The following TRPV3 variants were observed in gnomAD, a reference collection of about 807,000 sequenced individuals.
The protein encoded by TRPV3 is transient receptor potential cation channel subfamily V member 3.
A neutral mutation model predicts 87.1 loss-of-function variants in TRPV3; 88 were observed. That is an observed-to-expected ratio of 1.01 (90% CI 0.85 to 1.21). TRPV3 has a LOEUF of 1.21. Ranked by LOEUF, TRPV3 falls within the 50% of genes most tolerant of loss-of-function variation. TRPV3 has a pLI of 0.00. For synonymous variants in TRPV3, 438 were observed against 423.3 expected, an observed-to-expected ratio of 1.03 and a Z score of -0.43; for missense variants, 1,054 against 1,030.1, an observed-to-expected ratio of 1.02 and a Z score of -0.32.
At chr17:3,515,433 G>A (rs1488358549) in intron 16 of TRPV3, among the ~76,000 whole-genome samples, 1 of 152,088 alleles carries the variant, frequency 6.6e-6, no homozygotes, top group African/African-American at 2.4e-5. Context: ...GGCCGAGGGG[G>A]GTGGATCACT....
chr17:3,543,259 C>T (rs532356914), intron 5 of TRPV3, among the ~76,000 whole-genome samples: 1 of 152,190 alleles, frequency 6.6e-6, no homozygotes, highest in African/African-American at 2.4e-5. Flanking sequence ...TCCAGCTTCA[C>T]CCCCATCTTC....
chr17:3,523,360 T>C (rs1424338025), intron 13 of TRPV3, among the ~76,000 whole-genome samples: 6 of 152,198 alleles, frequency 3.9e-5, no homozygotes. Context: ...CCAACATTCA[T>C]GTCTGATAGC....
chr17:3,554,637 G>C, intron 2 of TRPV3, 95 bp downstream of exon 2: 2 of 849,966 alleles, frequency 2.4e-6, no homozygotes, highest in Non-Finnish European at 3.7e-6. Context: ...AGAGTCTCAG[G>C]TCTCCCCAAG....
At chr17:3,535,918 C>T (rs2074405333) in intron 6 of TRPV3, among the ~76,000 whole-genome samples, 1 of 152,232 alleles carries the variant, frequency 6.6e-6, no homozygotes, top group Non-Finnish European at 1.5e-5. Flanking sequence ...GCGCCTGCTC[C>T]GGGCTCCGGC....
At position 3,526,878 on chromosome 17, in the gene TRPV3, G is replaced by C; in HGVS notation, c.1553C>G (p.Ser518Trp). Residue 518 changes from serine to tryptophan, a missense_variant, in exon 12 of 18, where the codon TCG becomes TGG. Transcript: ENST00000576742. ...CAAGACAAAGTGGAACCAGGCATCC[G>C]AGAGGATGGACTGCAGATCCGAGGG... ...LRPSDLQSIL[S>W]DAWFHFVFFI... 8.7e-6 allele frequency: 14 copies of C among 1,611,976 alleles called. No individual in the cohort carries two copies. Among genetic ancestry groups the C allele is most frequent in the Non-Finnish European group, 1.2e-5 (14 of 1,179,214 alleles).
chr17:3,518,812 T>C lies in TRPV3; in HGVS notation c.1849A>G (p.Lys617Glu). 6.2e-7 allele frequency: 1 copy of C among 1,614,148 alleles called. No individual in the cohort carries two copies. Among genetic ancestry groups the C allele is most frequent in the Non-Finnish European group, 8.5e-7 (1 of 1,179,998 alleles). The change falls in exon 15 of 18, where the codon AAG (lysine) becomes GAG (glutamate). Residue 617 changes from lysine (K) to glutamate (E), a missense_variant. Lys to Glu is a moderately conservative substitution (Grantham distance 56). Transcript: ENST00000576742. The surrounding 1 kb of genome is among the most constrained non-coding windows in gnomAD (Gnocchi z 4.3). ...AAGCTGCCGTAGGAGCTGCAGTCCTTGTTGTCTTTGGGACACTTCTCGATC... is the reference window on the plus strand; with the variant it reads ...AAGCTGCCGTAGGAGCTGCAGTCCTCGTTGTCTTTGGGACACTTCTCGATC... ...SLIEKCPKDN[K>E]DCSSYGSFSD...
chr17:3,534,086 C>T (rs908485952), intron 7 of TRPV3, among the ~76,000 whole-genome samples: 5 of 152,128 alleles, frequency 3.3e-5, no homozygotes, highest in Non-Finnish European at 5.9e-5. Flanking sequence ...CAGCTGCCTC[C>T]CCTCTCCTCG....
chr17:3,517,919 A>G (rs1260553241), intron 15 of TRPV3, among the ~76,000 whole-genome samples: 1 of 151,370 alleles, frequency 6.6e-6, no homozygotes, highest in Non-Finnish European at 1.5e-5. Flanking sequence ...CCTGGGTTCA[A>G]GCGATCCTCC....
intron 12 of TRPV3, among the ~76,000 whole-genome samples, chr17:3,525,165 ACCC>A (rs1567633797): frequency 3.2e-4 from 48 of 151,808 alleles, no homozygotes; most frequent in Middle Eastern, 3.4e-3. Flanking sequence ...GATTACAGGC[ACCC>A]GCCACCACAC....
Position 3,546,971 on chromosome 17 carries a change from A to AAAAAAAAAAAACAAAC in TRPV3, c.120-1701_120-1700insGTTTGTTTTTTTTTTT, listed in dbSNP as rs1465437779. ...TAACAGAGCGGGACTCCTTCTCAAAAAAAAAAAACTGGGTCTGGGTGACTC... is the reference window on the plus strand; with the variant it reads ...TAACAGAGCGGGACTCCTTCTCAAAAAAAAAAAAAAACAAACAAAAAAAACTGGGTCTGGGTGACTC... On this transcript the variant is annotated intron_variant, in intron 2 of 17. Transcript: ENST00000576742. Among the ~76,000 whole-genome samples the AAAAAAAAAAAACAAAC allele has an allele frequency of 4.5e-3, 685 of 151,760 alleles. 13 individuals carry two copies. Among genetic ancestry groups the AAAAAAAAAAAACAAAC allele is most frequent in the African/African-American group, 0.016 (656 of 41,238 alleles).
Position 3,518,895 on chromosome 17 carries a change from A to G in TRPV3, c.1811-45T>C, listed in dbSNP as rs779606428. On this transcript the variant is annotated intron_variant, in intron 14 of 17. Transcript: ENST00000576742. This position sits in a 1 kb window ranked among gnomAD's most constrained non-coding sequence, Gnocchi z 4.3. ...TGCTCTCCTCAGCTCTCTGCCTGGT[A>G]ATTACTCTACAAGCTTGCGTGTATT... 1 of 1,581,058 alleles carries G rather than the reference A, an allele frequency of 6.3e-7. No individual in the cohort carries two copies. The highest frequency in any genetic ancestry group is 2.2e-5 in the East Asian group (1 of 44,546).
At chr17:3,554,642 C>G in intron 2 of TRPV3, 90 bp downstream of exon 2, 1 of 925,668 alleles carries the variant, frequency 1.1e-6, no homozygotes, top group South Asian at 1.6e-5. Flanking sequence ...CTCAGGTCTC[C>G]CCAAGGCAAG....
At chr17:3,549,821 TGATG>T (rs972523216) in intron 2 of TRPV3, among the ~76,000 whole-genome samples, 4 of 149,350 alleles carry the variant, frequency 2.7e-5, no homozygotes, top group South Asian at 2.1e-4. Context: ...AATAAATGAT[TGATG>T]GATGGATGAA....
intron 7 of TRPV3, among the ~76,000 whole-genome samples, chr17:3,533,876 G>A (rs2074374256): frequency 6.6e-6 from 1 of 152,064 alleles, no homozygotes; most frequent in Non-Finnish European, 1.5e-5. Context: ...ATTACCGATG[G>A]TCTCTCCCTG....
chr17:3,532,686 G>A lies in TRPV3; in HGVS notation c.1036C>T (p.Gln346Ter), dbSNP rs2074359430. The A allele has an allele frequency of 6.2e-7, 1 of 1,614,248 alleles. No individual in the cohort carries two copies. Among genetic ancestry groups the A allele is most frequent in the Non-Finnish European group, 8.5e-7 (1 of 1,180,046 alleles). The change falls in exon 8 of 18, where the codon CAG becomes TAG. Residue 346 changes from glutamine (Q) to a stop codon, truncating the protein, a stop_gained. Transcript: ENST00000576742. LOFTEE classifies it high-confidence loss of function. ...TRNNDGLTPLQLAAKMGKAEI... is the reference protein window; with the variant it reads ...TRNNDGLTPL ...GCCTTGCCCATCTTGGCGGCCAGCTGCAGCGGCGTGAGGCCATCGTTGTTG... is the reference window on the plus strand; with the variant it reads ...GCCTTGCCCATCTTGGCGGCCAGCTACAGCGGCGTGAGGCCATCGTTGTTG...
intron 5 of TRPV3, 44 bp from the exon 6 acceptor site, chr17:3,542,742 G>C: frequency 6.3e-7 from 1 of 1,587,996 alleles, no homozygotes; most frequent in East Asian, 2.3e-5. Context: ...GGCCCCGGCT[G>C]CCCTTGGCCC....
chr17:3,547,464 T>C (rs1388081373), intron 2 of TRPV3, among the ~76,000 whole-genome samples: 1 of 151,974 alleles, frequency 6.6e-6, no homozygotes, highest in African/African-American at 2.4e-5. Flanking sequence ...CTACTAAAAA[T>C]ACAAAAAGTA....
At chr17:3,546,676 C>T (rs1226691420) in intron 2 of TRPV3, 1 of 455,740 alleles carries the variant, frequency 2.2e-6, no homozygotes, top group Non-Finnish European at 4.4e-6. Context: ...GTAGCAAAGT[C>T]CAGATTCAAA....
In TRPV3 at chr17:3,542,527, T is replaced by C. The variant is rs768248969; in HGVS notation, c.638A>G (p.Tyr213Cys). ...FINAEYTEEA[Y>C]EGQTALNIAI... Reference sequence around the variant, plus strand: ...CCCCTCTGCAGGCAGGATACCTTCATAGGCCTCCTCTGTGTACTCGGCGTT... The same window carrying C: ...CCCCTCTGCAGGCAGGATACCTTCACAGGCCTCCTCTGTGTACTCGGCGTT... Residue 213 changes from tyrosine to cysteine, a missense_variant, in exon 6 of 18, where the codon TAT becomes TGT. Tyr to Cys is a radical substitution (Grantham distance 194). Coordinates refer to ENST00000576742, the MANE Select transcript of TRPV3 (RefSeq NM_145068.4). 1 of 1,613,476 alleles carries C rather than the reference T, an allele frequency of 6.2e-7. No individual in the cohort carries two copies. Among genetic ancestry groups the C allele is most frequent in the Admixed American group, 1.7e-5 (1 of 59,960 alleles).
Sources: gnomAD v4.1 joint callset for allele counts (sites outside exome capture counted in the v4.1 genomes callset) on GRCh38, gnomAD v4.1.1 for gene constraint, Gnocchi (gnomAD v3.1) non-coding constraint, MANE v1.5 for transcripts, NCBI Gene and HGNC (gene_info 2026-07-23, HGNC 2026-07-21) for gene names.